The following MPPED2 variants were observed in gnomAD, a reference collection of about 807,000 sequenced individuals.
The protein encoded by MPPED2 is metallophosphoesterase domain containing 2, also known as metallophosphoesterase MPPED2.
MPPED2 carries 5 observed loss-of-function variants against 33.0 expected under a neutral mutation model. The ratio of observed to expected loss-of-function variants is 0.15; its 90% CI spans 0.08 to 0.32. The LOEUF (loss-of-function observed/expected upper bound fraction) is 0.32. MPPED2 is among the 10% of genes least tolerant of loss of function. The probability of loss-of-function intolerance (pLI) is 1.00; values close to 1 mark genes in which losing one functional copy is unlikely to be tolerated. For missense variants in MPPED2, 275 were observed against 372.1 expected, an observed-to-expected ratio of 0.74 and a Z score of 2.15; for synonymous variants, 136 against 141.9, an observed-to-expected ratio of 0.96 and a Z score of 0.29.
chr11:30,573,453 G>A (rs1417850889), intron 2 of MPPED2, among the ~76,000 whole-genome samples: 2 of 152,120 alleles, frequency 1.3e-5, no homozygotes, highest in African/African-American at 2.4e-5. Flanking sequence ...CAAAAACAAA[G>A]TTAACTAAAA....
chr11:30,416,097 T>C (rs12419332), intron 5 of MPPED2, among the ~76,000 whole-genome samples: 2,038 of 152,364 alleles, frequency 0.013, 83 homozygotes, highest in Admixed American at 0.077. Context: ...AATTATGACT[T>C]GATAAAGGTT....
chr11:30,387,768 TC>T (rs1292063447), exon 7 of MPPED2: 2 of 152,304 alleles, frequency 1.3e-5, no homozygotes, highest in Non-Finnish European at 2.9e-5. Context: ...ATTTCCATGG[TC>T]CCCCCCTCTC....
intron 4 of MPPED2, among the ~76,000 whole-genome samples, chr11:30,445,501 G>A (rs766660673): frequency 1.3e-5 from 2 of 151,966 alleles, no homozygotes; most frequent in Non-Finnish European, 2.9e-5. Context: ...ACCATTTTTA[G>A]TGTAGTTCAG....
chr11:30,481,871 G>A (rs1384777550), intron 4 of MPPED2, among the ~76,000 whole-genome samples: 1 of 152,030 alleles, frequency 6.6e-6, no homozygotes, highest in African/African-American at 2.4e-5. Context: ...GGTGCTTTTG[G>A]GGGTTTCCTT....
Position 30,522,843 on chromosome 11 carries a change from A to C in MPPED2, c.310+13151T>G, listed in dbSNP as rs374867044. 5.9e-5 allele frequency among the ~76,000 whole-genome samples: 9 copies of C among 152,336 alleles called. No individual in the cohort carries two copies. The South Asian group carries it at 8.3e-4, about 14-fold the overall frequency. ...ATGAGTACTATATTATTTGCATCAT[A>C]ATATTTTCATTTCCTCCCCCTGCAC... On this transcript the variant is annotated intron_variant, in intron 3 of 6. Transcript: ENST00000358117.
intron 2 of MPPED2, among the ~76,000 whole-genome samples, chr11:30,559,417 C>G (rs1214291058): frequency 6.6e-6 from 1 of 151,912 alleles, no homozygotes; most frequent in Non-Finnish European, 1.5e-5. Flanking sequence ...TCTTTAAAAC[C>G]ATAGTTAATT....
chr11:30,399,841 TTAAACTTTTTAACATGTTTGTATCCA>T (rs1372540812), intron 6 of MPPED2, among the ~76,000 whole-genome samples: 1 of 152,192 alleles, frequency 6.6e-6, no homozygotes, highest in African/African-American at 2.4e-5. Context: ...ATGTACATAT[TTAAACTTTTTAACATGTTTGTATCCA>T]TATATACTTT....
At chr11:30,563,372 G>T (rs1956312803) in intron 2 of MPPED2, among the ~76,000 whole-genome samples, 1 of 152,156 alleles carries the variant, frequency 6.6e-6, no homozygotes, top group Non-Finnish European at 1.5e-5. Context: ...GTTTACAATA[G>T]GGTTTGGGCT....
intron 4 of MPPED2, among the ~76,000 whole-genome samples, chr11:30,466,023 CT>C (rs1328219814): frequency 6.6e-6 from 1 of 152,212 alleles, no homozygotes; most frequent in African/African-American, 2.4e-5. Context: ...GTGCACAGCA[CT>C]TCTCAGTGCC....
chr11:30,427,140 A>T (rs1015851039), intron 4 of MPPED2, among the ~76,000 whole-genome samples: 2 of 152,192 alleles, frequency 1.3e-5, no homozygotes, highest in African/African-American at 4.8e-5. Flanking sequence ...TTGTTTTTCT[A>T]ACTTAGATTT....
At chr11:30,436,361 T>C (rs1211121545) in intron 4 of MPPED2, among the ~76,000 whole-genome samples, 1 of 152,168 alleles carries the variant, frequency 6.6e-6, no homozygotes, top group Non-Finnish European at 1.5e-5. Context: ...TCTGTGGCTA[T>C]AGGATGGAGC....
At chr11:30,561,501 A>G (rs2134721693) in intron 2 of MPPED2, among the ~76,000 whole-genome samples, 1 of 152,294 alleles carries the variant, frequency 6.6e-6, no homozygotes, top group South Asian at 2.1e-4. Context: ...CAGTTTTTAA[A>G]GGTCTAACAG....
At chr11:30,388,247 A>T (rs1367572280) in exon 7 of MPPED2, 7 of 152,384 alleles carry the variant, frequency 4.6e-5, no homozygotes, top group Non-Finnish European at 8.8e-5. Context: ...CTCCATTGAA[A>T]TATGGAATTG....
At chr11:30,398,412 G>A (rs773166651) in intron 6 of MPPED2, among the ~76,000 whole-genome samples, 14 of 152,044 alleles carry the variant, frequency 9.2e-5, no homozygotes, top group South Asian at 2.1e-4. Context: ...TTATTAGATC[G>A]GGGTGAACAC....
chr11:30,487,809 C>T (rs1426113391), intron 4 of MPPED2, among the ~76,000 whole-genome samples: 3 of 151,974 alleles, frequency 2.0e-5, no homozygotes, highest in Non-Finnish European at 4.4e-5. Flanking sequence ...GTCTGAGTCA[C>T]TTGTTTTTTC....
chr11:30,493,864 G>A (rs754362303), intron 4 of MPPED2, among the ~76,000 whole-genome samples: 8 of 152,180 alleles, frequency 5.3e-5, no homozygotes, highest in Non-Finnish European at 1.0e-4. Flanking sequence ...CCATCTTAGA[G>A]ATGTGAAAAC....
At chr11:30,542,181 C>G (rs754235211) in intron 2 of MPPED2, among the ~76,000 whole-genome samples, 1 of 152,184 alleles carries the variant, frequency 6.6e-6, no homozygotes, top group Non-Finnish European at 1.5e-5. Flanking sequence ...GCCTTACTCA[C>G]TTGTACTAGT....
chr11:30,538,274 A>G (rs1954920583), intron 2 of MPPED2, among the ~76,000 whole-genome samples: 1 of 152,168 alleles, frequency 6.6e-6, no homozygotes, highest in African/African-American at 2.4e-5. Context: ...TCTGTAACTC[A>G]GCTAAGCTAC....
rs546626868 is a variant in MPPED2, at chr11:30,509,250, T to C, written c.311-13729A>G. ...CACCTGTAGTAAGGGCTCAATTTTGTTGAATGAGTGAACAAATAAATGGAT... is the reference window on the plus strand; with the variant it reads ...CACCTGTAGTAAGGGCTCAATTTTGCTGAATGAGTGAACAAATAAATGGAT... On this transcript the variant is annotated intron_variant, in intron 3 of 6. Transcript: ENST00000358117. Among the ~76,000 whole-genome samples, 4 of 152,312 alleles carry C rather than the reference T, an allele frequency of 2.6e-5. No individual in the cohort carries two copies. The South Asian group carries it at 8.3e-4, about 32-fold the overall frequency.
Sources: gnomAD v4.1 joint callset for allele counts (sites outside exome capture counted in the v4.1 genomes callset) on GRCh38, gnomAD v4.1.1 for gene constraint, MANE v1.5 for transcripts, NCBI Gene and HGNC (gene_info 2026-07-23, HGNC 2026-07-21) for gene names.